CFAP36: variants seen among roughly 807,000 people sequenced by gnomAD.
CFAP36 encodes cilia and flagella associated protein 36.
A neutral mutation model predicts 50.5 loss-of-function variants in CFAP36; 37 were observed. That is an observed-to-expected ratio of 0.73 (90% confidence interval 0.56 to 0.96). The LOEUF (loss-of-function observed/expected upper bound fraction) is 0.96, where lower values mean the gene tolerates loss of function less well. Ranked by LOEUF, CFAP36 falls within the 50% of genes least tolerant of loss-of-function variation. CFAP36 has a pLI of 0.00. For missense variants in CFAP36, 407 were observed against 396.2 expected, an observed-to-expected ratio of 1.03 and a Z score of -0.23; for synonymous variants, 138 against 128.2, an observed-to-expected ratio of 1.08 and a Z score of -0.52.
At chr2:55,529,740 G>C (rs189052665) in intron 4 of CFAP36, among the ~76,000 whole-genome samples, 1 of 150,632 alleles carries the variant, frequency 6.6e-6, no homozygotes, top group African/African-American at 2.4e-5. Flanking sequence ...TCTGCCTTGC[G>C]GGTTTACACC....
chr2:55,542,289 T>C (rs144915631), intron 7 of CFAP36, among the ~76,000 whole-genome samples: 41 of 152,356 alleles, frequency 2.7e-4, no homozygotes, highest in African/African-American at 8.4e-4. Context: ...CCATAAATGG[T>C]AGATCTCAAA....
In CFAP36 at chr2:55,545,016, G is replaced by A; in HGVS notation, c.*8G>A. 1 of 1,466,344 alleles carries A rather than the reference G, an allele frequency of 6.8e-7. No individual in the cohort carries two copies. Among genetic ancestry groups the A allele is most frequent in the Non-Finnish European group, 9.3e-7 (1 of 1,069,764 alleles). 90.8% of individuals were successfully genotyped at this position (1,466,344 alleles called of 1,614,324 possible). A position where few individuals can be genotyped will look rare whatever the true frequency, so the allele number is the denominator to read the frequency against. Reference sequence around the variant, plus strand: ...GAAGTTATTAATAAGTAATAATTAAGAACAATTTAACAAAATGGAAGTTCA... The same window carrying A: ...GAAGTTATTAATAAGTAATAATTAAAAACAATTTAACAAAATGGAAGTTCA... On this transcript the variant is annotated 3_prime_UTR_variant, in exon 10 of 10. Transcript: ENST00000349456.
intron 3 of CFAP36, among the ~76,000 whole-genome samples, chr2:55,526,102 A>T (rs997952120): frequency 1.3e-5 from 2 of 152,258 alleles, no homozygotes; most frequent in African/African-American, 2.4e-5. Flanking sequence ...TGCTTATTCT[A>T]AAGTCAGACC....
At position 55,522,008 on chromosome 2, in the gene CFAP36, G is replaced by A. The variant is rs1684080984; in HGVS notation, c.116-94G>A. ...TAAGAATTCAAAGCTGAAGAGCTAG[G>A]TTGACAGTTCTATTTGGAAGGAGTG... is the stretch of plus-strand genomic sequence containing the variant. On this transcript the variant is annotated intron_variant, in intron 1 of 9. Transcript: ENST00000349456. 4.7e-6 allele frequency: 3 copies of A among 641,370 alleles called. No homozygotes were observed. The South Asian group carries it at 5.7e-5, about 12-fold the overall frequency. The allele number at this position is 641,370 out of a possible 1,614,324, so 39.7% of individuals were successfully genotyped here.
At chr2:55,524,869 T>C (rs904549566) in intron 3 of CFAP36, among the ~76,000 whole-genome samples, 2 of 151,786 alleles carry the variant, frequency 1.3e-5, no homozygotes, top group African/African-American at 4.8e-5. Flanking sequence ...TAATCCCAGC[T>C]ACTTGGGAGG....
At chr2:55,528,457 C>T (rs762731639) in intron 3 of CFAP36, among the ~76,000 whole-genome samples, 14 of 151,438 alleles carry the variant, frequency 9.2e-5, no homozygotes, top group Middle Eastern at 3.4e-3. Context: ...TGCAGAGGTG[C>T]GATCTTGGCT....
intron 1 of CFAP36, 101 bp downstream of exon 1, chr2:55,520,017 CCT>C (rs1300192693): frequency 6.9e-6 from 7 of 1,008,918 alleles, no homozygotes; most frequent in Admixed American, 2.1e-5. Context: ...TCCCCGACCC[CCT>C]GTCTCCACCC....
chr2:55,535,994 C>CTG, intron 6 of CFAP36: 1 of 740,422 alleles, frequency 1.4e-6, no homozygotes, highest in Non-Finnish European at 1.9e-6. Context: ...AGTACAAACA[C>CTG]CACATAGTAC....
intron 4 of CFAP36, among the ~76,000 whole-genome samples, chr2:55,533,471 A>AG (rs1684402741): frequency 6.6e-6 from 1 of 152,010 alleles, no homozygotes. Flanking sequence ...TGGTAGGCCG[A>AG]GGGGGGCAGA....
intron 4 of CFAP36, among the ~76,000 whole-genome samples, chr2:55,529,678 G>A (rs1197181832): frequency 4.4e-5 from 6 of 136,754 alleles, no homozygotes; most frequent in Non-Finnish European, 6.2e-5. Context: ...ACGGAGTCTC[G>A]CTCTGTTGCT....
At chr2:55,532,116 C>T (rs934924960) in intron 4 of CFAP36, among the ~76,000 whole-genome samples, 3 of 151,824 alleles carry the variant, frequency 2.0e-5, no homozygotes, top group African/African-American at 7.3e-5. Flanking sequence ...CGCTTAAGCC[C>T]AGCCTCAGAC....
chr2:55,524,837 TG>T (rs1170584149), intron 3 of CFAP36, among the ~76,000 whole-genome samples: 2 of 151,856 alleles, frequency 1.3e-5, no homozygotes, highest in African/African-American at 4.8e-5. Flanking sequence ...CAAAATTAGC[TG>T]GGCATGGTGG....
chr2:55,539,862 A>G (rs1684589200), intron 7 of CFAP36, among the ~76,000 whole-genome samples: 1 of 152,164 alleles, frequency 6.6e-6, no homozygotes, highest in South Asian at 2.1e-4. Context: ...TTCCCTGATG[A>G]CATGATGTGG....
chr2:55,529,339 G>A (rs1009675511), intron 4 of CFAP36, among the ~76,000 whole-genome samples: 8 of 151,848 alleles, frequency 5.3e-5, no homozygotes, highest in East Asian at 2.0e-4. Context: ...GGAGAATGGC[G>A]TGAACCCGGG....
intron 4 of CFAP36, 124 bp from the exon 5 acceptor site, chr2:55,533,749 T>A: frequency 2.7e-6 from 1 of 374,716 alleles, no homozygotes. Context: ...GTTAAAAAGA[T>A]AATAGCTTAG....
chr2:55,534,823 G>A (rs760651034), intron 5 of CFAP36, among the ~76,000 whole-genome samples: 13 of 152,160 alleles, frequency 8.5e-5, no homozygotes, highest in Admixed American at 3.3e-4. Context: ...CAGAAGAGAG[G>A]ATCAGAGGAT....
In CFAP36 at chr2:55,528,345, A is replaced by T. The variant is rs1397004361; in HGVS notation, c.283-533A>T. Among the ~76,000 whole-genome samples, 3 of 151,674 alleles carry T rather than the reference A, an allele frequency of 2.0e-5. No individual in the cohort carries two copies. In the East Asian group the frequency reaches 5.8e-4, roughly 29 times the overall value. On this transcript the variant is annotated intron_variant, in intron 3 of 9. Coordinates refer to ENST00000349456, the MANE Select transcript of CFAP36 (RefSeq NM_080667.7). ...AGCTACTCCAGCTTTCTTTTTTTTT[A>T]AACAACTTTATTGAGATATAATTTG...
chr2:55,538,804 A>C lies in CFAP36; in HGVS notation c.640+1219A>C, dbSNP rs1172807115. On this transcript the variant is annotated intron_variant, in intron 7 of 9. Transcript: ENST00000349456. Reference sequence around the variant, plus strand: ...TGAGCGACTTGTCCAAGATCACCGAACTCTTCAATGGTGAAATTATGACTT... The same window carrying C: ...TGAGCGACTTGTCCAAGATCACCGACCTCTTCAATGGTGAAATTATGACTT... The C allele has an allele frequency of 3.2e-6, 5 of 1,543,458 alleles. 1 individual carries two copies. In the South Asian group the frequency reaches 6.0e-5, roughly 19 times the overall value.
intron 3 of CFAP36, among the ~76,000 whole-genome samples, 165 bp from the exon 4 acceptor site, chr2:55,528,713 G>A (rs1421290455): frequency 6.6e-6 from 1 of 151,958 alleles, no homozygotes; most frequent in East Asian, 1.9e-4. Context: ...CTGTTTTAAA[G>A]GCTATTAAGA....
Sources: allele counts gnomAD v4.1 joint callset (sites outside exome capture counted in the v4.1 genomes callset), GRCh38; gene constraint gnomAD v4.1.1; transcripts MANE v1.5; gene names NCBI Gene and HGNC (gene_info 2026-07-23, HGNC 2026-07-21).